PRKCE: variants seen among roughly 807,000 people sequenced by gnomAD.
PRKCE encodes the protein protein kinase C epsilon, also known as protein kinase C epsilon type.
A neutral mutation model predicts 85.4 loss-of-function variants in PRKCE; 16 were observed. The ratio of observed to expected loss-of-function variants is 0.19; its 90% CI spans 0.13 to 0.28. The LOEUF is 0.28. PRKCE is among the 10% of genes least tolerant of loss of function. PRKCE has a pLI of 1.00. For synonymous variants in PRKCE, 388 were observed against 371.5 expected (o/e 1.04, Z -0.51); for missense variants, 573 against 975.2 (o/e 0.59, Z 5.49).
intron 10 of PRKCE, among the ~76,000 whole-genome samples, chr2:46,017,374 C>T (rs1215153465): frequency 6.6e-6 from 1 of 152,172 alleles, no homozygotes. Flanking sequence ...CATGATGTAA[C>T]GTATGTCATA....
chr2:45,673,729 G>C (rs1423443052), intron 1 of PRKCE, among the ~76,000 whole-genome samples: 1 of 152,188 alleles, frequency 6.6e-6, no homozygotes, highest in Non-Finnish European at 1.5e-5. Context: ...ACAAGTGTTT[G>C]TAGAGTATAT....
chr2:46,031,184 T>C (rs1707489073), intron 10 of PRKCE, among the ~76,000 whole-genome samples: 1 of 152,196 alleles, frequency 6.6e-6, no homozygotes, highest in African/African-American at 2.4e-5. Context: ...TTGCCCACTT[T>C]TGTGACCGTA....
intron 13 of PRKCE, among the ~76,000 whole-genome samples, chr2:46,152,761 C>A (rs1676773882): frequency 6.6e-6 from 1 of 152,072 alleles, no homozygotes; most frequent in Non-Finnish European, 1.5e-5. Flanking sequence ...GTTGGCCAGG[C>A]TGGTTCCGAA....
intron 2 of PRKCE, among the ~76,000 whole-genome samples, chr2:45,920,424 A>G (rs568787510): frequency 2.0e-5 from 3 of 152,370 alleles, no homozygotes; most frequent in South Asian, 4.1e-4. Flanking sequence ...TATGATCCCA[A>G]TAGGAATGAA....
At chr2:45,820,870 G>A (rs1439385329) in intron 1 of PRKCE, among the ~76,000 whole-genome samples, 3 of 152,068 alleles carry the variant, frequency 2.0e-5, no homozygotes, top group Non-Finnish European at 4.4e-5. Context: ...CAAGACACCT[G>A]GCCTTCTGTC....
intron 1 of PRKCE, among the ~76,000 whole-genome samples, chr2:45,726,178 A>G (rs1469402788): frequency 6.6e-6 from 1 of 152,238 alleles, no homozygotes; most frequent in Non-Finnish European, 1.5e-5. Context: ...TGAAATGACA[A>G]CAAAGGATTT....
At position 45,851,801 on chromosome 2, in the gene PRKCE, C is replaced by G. The variant is rs893271961; in HGVS notation, c.412+8738C>G. ...ATGGCAGGGAACTCCACAAAGAATG[C>G]TCTCCGTTCATTTATTGCTTGATAG... On this transcript the variant is annotated intron_variant, in intron 2 of 14. Transcript: ENST00000306156. 1.3e-5 allele frequency: 2 copies of G among 152,176 alleles called. 1 individual carries two copies. Among genetic ancestry groups the G allele is most frequent in the Non-Finnish European group, 2.9e-5 (2 of 68,048 alleles). 9.4% of individuals were successfully genotyped at this position (152,176 alleles called of 1,614,324 possible). A position where few individuals can be genotyped will look rare whatever the true frequency, so the allele number is the denominator to read the frequency against.
intron 10 of PRKCE, among the ~76,000 whole-genome samples, chr2:46,048,013 A>T (rs186450649): frequency 3.5e-4 from 53 of 152,320 alleles, no homozygotes; most frequent in Admixed American, 1.8e-3. Flanking sequence ...CATATTAATT[A>T]TCATCAATAG....
intron 1 of PRKCE, among the ~76,000 whole-genome samples, chr2:45,833,189 T>C (rs1174954105): frequency 2.0e-5 from 3 of 152,066 alleles, no homozygotes; most frequent in African/African-American, 7.2e-5. Flanking sequence ...TGAATATTTT[T>C]TGTGAGCAGC....
chr2:45,967,228 C>G (rs1312976788), intron 2 of PRKCE, among the ~76,000 whole-genome samples: 2 of 152,180 alleles, frequency 1.3e-5, no homozygotes, highest in African/African-American at 2.4e-5. Flanking sequence ...GCTTCAAACC[C>G]CACTGCCATG....
rs1701114601 is a variant in PRKCE, at chr2:45,958,287, A to T, written c.413-18142A>T. On this transcript the variant is annotated intron_variant, in intron 2 of 14. Coordinates refer to ENST00000306156, the MANE Select transcript of PRKCE (RefSeq NM_005400.3). ...CACTTTGGGAGGCCAAGGTGGGCAG[A>T]TCACGAGGTCAGGGGTTCGAGACCA... Among the ~76,000 whole-genome samples, 12 of 151,620 alleles carry T rather than the reference A, an allele frequency of 7.9e-5. 1 individual carries two copies. The South Asian group carries it at 2.5e-3, about 32-fold the overall frequency.
chr2:45,742,027 G>A (rs1682621458), intron 1 of PRKCE, among the ~76,000 whole-genome samples: 1 of 152,106 alleles, frequency 6.6e-6, no homozygotes, highest in Non-Finnish European at 1.5e-5. Flanking sequence ...TTGCTTCCAG[G>A]TGCTCTCCAT....
chr2:45,733,201 T>C (rs1038716582), intron 1 of PRKCE, among the ~76,000 whole-genome samples: 5 of 152,256 alleles, frequency 3.3e-5, no homozygotes, highest in Admixed American at 6.5e-5. Context: ...GTGAGCTTGA[T>C]GCAGGCAGAG....
chr2:46,115,077 A>T (rs1330042411), intron 11 of PRKCE, among the ~76,000 whole-genome samples: 1 of 152,184 alleles, frequency 6.6e-6, no homozygotes, highest in Non-Finnish European at 1.5e-5. Flanking sequence ...CTGCTATAGA[A>T]TTGTTCCATC....
At chr2:45,976,657 G>A (rs2278786) in intron 3 of PRKCE, 69 bp downstream of exon 3, 224,653 of 1,537,820 alleles carry the variant, frequency 0.15, 18,049 homozygotes, top group African/African-American at 0.33. Flanking sequence ...TGGGGTAGGG[G>A]AGACTATGCA....
intron 2 of PRKCE, among the ~76,000 whole-genome samples, chr2:45,962,515 T>C (rs1317136194): frequency 6.6e-6 from 1 of 152,218 alleles, no homozygotes; most frequent in African/African-American, 2.4e-5. Context: ...CTCTTGGCAG[T>C]TTTCATTTTC....
chr2:45,809,707 A>T (rs569507680), intron 1 of PRKCE, among the ~76,000 whole-genome samples: 70 of 150,408 alleles, frequency 4.7e-4, no homozygotes, highest in African/African-American at 1.7e-3. Context: ...AACATGGTGA[A>T]ACCCTGTCTC....
chr2:45,953,766 C>A (rs1421138832), intron 2 of PRKCE, among the ~76,000 whole-genome samples: 2 of 152,220 alleles, frequency 1.3e-5, no homozygotes, highest in Non-Finnish European at 2.9e-5. Flanking sequence ...ATTCAGTTGT[C>A]TGTGGTGGGC....
At chr2:46,175,375 A>G (rs1311634266) in intron 14 of PRKCE, among the ~76,000 whole-genome samples, 33 of 152,236 alleles carry the variant, frequency 2.2e-4, no homozygotes, top group Admixed American at 2.2e-3. Context: ...CATCCCAAAG[A>G]CAATTCTGTT....
Sources: allele counts gnomAD v4.1 joint callset (sites outside exome capture counted in the v4.1 genomes callset), GRCh38; gene constraint gnomAD v4.1.1; transcripts MANE v1.5; gene names NCBI Gene and HGNC (gene_info 2026-07-23, HGNC 2026-07-21).